Variants in AFTPH observed in about 807,000 individuals in gnomAD.
The protein encoded by AFTPH is aftiphilin, also known as aftiphilin protein.
A neutral mutation model predicts 72.5 loss-of-function variants in AFTPH; 7 were observed. The observed-to-expected ratio is 0.10, with a 90% confidence interval of 0.05 to 0.18. The LOEUF is 0.18. Among genes scored for constraint, AFTPH ranks in the 10% least tolerant of loss-of-function variants. The pLI is 1.00. For synonymous variants in AFTPH, 337 were observed against 370.1 expected (o/e 0.91, Z 1.03); for missense variants, 979 against 1,060.5 (o/e 0.92, Z 1.07).
chr2:64,568,980 G>T, intron 3 of AFTPH, 112 bp from the exon 4 acceptor site: 6 of 1,143,528 alleles, frequency 5.2e-6, no homozygotes, highest in Middle Eastern at 2.0e-4. Context: ...CACTTACGTT[G>T]GACCCAAGAG....
At chr2:64,541,848 T>A (rs963372260) in intron 1 of AFTPH, among the ~76,000 whole-genome samples, 2 of 152,214 alleles carry the variant, frequency 1.3e-5, no homozygotes, top group African/African-American at 4.8e-5. Context: ...CTCAGACATA[T>A]TGTGGTAAAA....
intron 1 of AFTPH, among the ~76,000 whole-genome samples, chr2:64,537,129 T>TAA (rs11406645): frequency 9.4e-4 from 143 of 151,772 alleles, no homozygotes; most frequent in African/African-American, 3.2e-3. Context: ...AGCTGCTTTT[T>TAA]AAAAAATTGA....
intron 5 of AFTPH, among the ~76,000 whole-genome samples, chr2:64,571,048 A>G (rs1041975151): frequency 6.6e-6 from 1 of 150,832 alleles, no homozygotes; most frequent in Non-Finnish European, 1.5e-5. Context: ...CATCTTTGTG[A>G]TATCTTTCAT....
chr2:64,555,066 A>C (rs947531187), intron 2 of AFTPH, among the ~76,000 whole-genome samples: 6 of 152,298 alleles, frequency 3.9e-5, no homozygotes, highest in African/African-American at 1.4e-4. Flanking sequence ...CAGCCTCTTA[A>C]AAAGCCTTAT....
intron 7 of AFTPH, among the ~76,000 whole-genome samples, chr2:64,582,285 G>A (rs1033878453): frequency 2.6e-5 from 4 of 152,200 alleles, no homozygotes; most frequent in Non-Finnish European, 5.9e-5. Flanking sequence ...ACTTCCAACA[G>A]TTGAGCAGCC....
chr2:64,538,236 G>A (rs1669994926), intron 1 of AFTPH, among the ~76,000 whole-genome samples: 1 of 152,052 alleles, frequency 6.6e-6, no homozygotes. Context: ...TTTCTAACCA[G>A]ATGTATTGGG....
At chr2:64,550,488 T>C (rs1670961246) in intron 1 of AFTPH, among the ~76,000 whole-genome samples, 1 of 152,210 alleles carries the variant, frequency 6.6e-6, no homozygotes, top group Non-Finnish European at 1.5e-5. Context: ...ATTCTATTTA[T>C]ATATAACATT....
intron 7 of AFTPH, among the ~76,000 whole-genome samples, chr2:64,584,593 AT>A (rs5831705): frequency 1.7e-3 from 204 of 116,974 alleles, no homozygotes; most frequent in Middle Eastern, 0.01. Flanking sequence ...CTTAGTCATG[AT>A]TTTTTTTTTT....
chr2:64,536,554 G>A (rs1282679630), intron 1 of AFTPH, among the ~76,000 whole-genome samples: 5 of 137,570 alleles, frequency 3.6e-5, no homozygotes, highest in Non-Finnish European at 7.7e-5. Flanking sequence ...AGAGCAGAGC[G>A]AGACTCCATC....
At chr2:64,566,425 T>G (rs1200853740) in intron 2 of AFTPH, among the ~76,000 whole-genome samples, 1 of 152,222 alleles carries the variant, frequency 6.6e-6, no homozygotes, top group African/African-American at 2.4e-5. Flanking sequence ...GAAATTTTTT[T>G]TTTTAATTTT....
intron 6 of AFTPH, chr2:64,578,974 A>G (rs528749609): frequency 2.0e-5 from 3 of 152,776 alleles, no homozygotes; most frequent in South Asian, 4.1e-4. Flanking sequence ...GACACCCACA[A>G]TTAAATTCTG....
At chr2:64,579,165 C>T (rs1336656019) in intron 6 of AFTPH, among the ~76,000 whole-genome samples, 1 of 152,102 alleles carries the variant, frequency 6.6e-6, no homozygotes, top group Admixed American at 6.5e-5. Flanking sequence ...ATTGTAATCA[C>T]ATCAATAGTT....
chr2:64,550,829 C>T (rs1466371033), intron 1 of AFTPH, among the ~76,000 whole-genome samples: 2 of 151,958 alleles, frequency 1.3e-5, no homozygotes, highest in Non-Finnish European at 2.9e-5. Flanking sequence ...TACCTTATTA[C>T]TATATTACCA....
Position 64,545,570 on chromosome 2 carries a change from TAAAAAAAAAAAAAAAAAAAAAAAAA to T in AFTPH, c.-32-5855_-32-5831del, listed in dbSNP as rs58124855. ...CTGTACAATGGAATGCCACCAGCAG[TAAAAAAAAAAAAAAAAAAAAAAAAA>T]AAAAAAAAAAAAAAAAAGACCTGAC... On this transcript the variant is annotated intron_variant, in intron 1 of 8. Transcript: ENST00000238856. 7.2e-3 allele frequency among the ~76,000 whole-genome samples: 174 copies of T among 24,202 alleles called. 2 individuals are homozygous for T. Among genetic ancestry groups the T allele is most frequent in the Middle Eastern group, 0.11 (2 of 18 alleles). 15.9% of individuals were successfully genotyped at this position (24,202 alleles called of 152,430 possible).
chr2:64,529,312 G>C (rs1182782334), intron 1 of AFTPH, among the ~76,000 whole-genome samples: 2 of 124,068 alleles, frequency 1.6e-5, no homozygotes, highest in East Asian at 2.3e-4. Flanking sequence ...TCTCCTTTTT[G>C]AAGTTTTTTT....
At chr2:64,581,930 T>C (rs1217328186) in intron 7 of AFTPH, among the ~76,000 whole-genome samples, 1 of 152,226 alleles carries the variant, frequency 6.6e-6, no homozygotes, top group Non-Finnish European at 1.5e-5. Context: ...AGCTAGAGAT[T>C]AAAACTTACT....
chr2:64,569,604 C>A lies in AFTPH; in HGVS notation c.2215-19C>A. 1.9e-6 allele frequency: 3 copies of A among 1,611,942 alleles called. No individual in the cohort carries two copies. Among genetic ancestry groups the A allele is most frequent in the Non-Finnish European group, 2.5e-6 (3 of 1,178,318 alleles). On this transcript the variant is annotated intron_variant, in intron 4 of 8. Coordinates refer to ENST00000238856, the Ensembl canonical transcript of AFTPH. ...ATTATTCTCTAAATATATGTTCTTTCTGTCTAACGTGTGTGTAGCTCTTCA... is the reference window on the plus strand; with the variant it reads ...ATTATTCTCTAAATATATGTTCTTTATGTCTAACGTGTGTGTAGCTCTTCA...
intron 1 of AFTPH, among the ~76,000 whole-genome samples, chr2:64,527,767 T>C (rs568793377): frequency 6.6e-6 from 1 of 152,228 alleles, no homozygotes; most frequent in Non-Finnish European, 1.5e-5. Flanking sequence ...AAGAATTGTT[T>C]GCCTCTCCAG....
exon 2 of AFTPH, chr2:64,551,621 A>G (rs749660031): frequency 6.2e-7 from 1 of 1,614,002 alleles, no homozygotes; most frequent in Non-Finnish European, 8.5e-7. Context: ...ATTTCGATAC[A>G]CCAGATTATA....
Sources: gnomAD v4.1 joint callset for allele counts (sites outside exome capture counted in the v4.1 genomes callset) on GRCh38, gnomAD v4.1.1 for gene constraint, MANE v1.5 for transcripts, NCBI Gene and HGNC (gene_info 2026-07-23, HGNC 2026-07-21) for gene names.